Variants in WDR93 observed in about 807,000 individuals in gnomAD.
WDR93 encodes the protein WD repeat-containing protein 93.
In WDR93, 73 loss-of-function variants were observed where a neutral mutation model predicts 82.9. The observed-to-expected ratio is 0.88, with a 90% CI of 0.73 to 1.07. WDR93 has a LOEUF of 1.07. Among genes scored for constraint, WDR93 ranks in the 50% least tolerant of loss-of-function variants. The probability of loss-of-function intolerance (pLI) is 0.00; values close to 1 mark genes in which losing one functional copy is unlikely to be tolerated. For missense variants in WDR93, 738 were observed against 826.0 expected (o/e 0.89, Z 1.31); for synonymous variants, 283 against 300.1 (o/e 0.94, Z 0.59).
chr15:89,710,177 G>T (rs915083954), intron 4 of WDR93, among the ~76,000 whole-genome samples: 1 of 151,868 alleles, frequency 6.6e-6, no homozygotes, highest in African/African-American at 2.4e-5. Flanking sequence ...AAACAAAAAC[G>T]AAAACAAAAA....
chr15:89,731,182 C>T (rs1189153087), intron 11 of WDR93, among the ~76,000 whole-genome samples: 2 of 152,124 alleles, frequency 1.3e-5, no homozygotes, highest in African/African-American at 4.8e-5. Context: ...GTGTAAAGTG[C>T]CTAACACAGT....
chr15:89,726,081 G>A (rs777546240), intron 8 of WDR93, among the ~76,000 whole-genome samples: 7 of 152,162 alleles, frequency 4.6e-5, no homozygotes, highest in Non-Finnish European at 8.8e-5. Context: ...AAAATACAAG[G>A]GGAATAATGT....
At chr15:89,709,386 G>A (rs933369820) in intron 4 of WDR93, among the ~76,000 whole-genome samples, 1 of 152,044 alleles carries the variant, frequency 6.6e-6, no homozygotes, top group African/African-American at 2.4e-5. Context: ...TATCAGTGCA[G>A]CATCTGGTTT....
intron 7 of WDR93, among the ~76,000 whole-genome samples, chr15:89,720,007 C>G (rs1966450574): frequency 6.6e-6 from 1 of 151,748 alleles, no homozygotes; most frequent in Non-Finnish European, 1.5e-5. Context: ...ACCATCTTGG[C>G]CAGGCTGGTC....
chr15:89,712,353 C>T (rs1966017283), intron 5 of WDR93, among the ~76,000 whole-genome samples: 1 of 118,986 alleles, frequency 8.4e-6, no homozygotes, highest in Admixed American at 7.9e-5. Context: ...TAACTCTTAA[C>T]TACAGATTTT....
In WDR93 at chr15:89,717,037, T is replaced by C. The variant is rs1241445173; in HGVS notation, c.795+88T>C. On this transcript the variant is annotated intron_variant, in intron 7 of 16. Coordinates refer to ENST00000268130, the MANE Select transcript of WDR93 (RefSeq NM_020212.2). Reference sequence around the variant, plus strand: ...AATTATTATTTTTCTTTTCTTTTCTTTTTCTTTCTTTTTTTTTTTTTTTTT... The same window carrying C: ...AATTATTATTTTTCTTTTCTTTTCTCTTTCTTTCTTTTTTTTTTTTTTTTT... 8.1e-4 allele frequency: 548 copies of C among 674,618 alleles called. 5 individuals are homozygous for C. The African/African-American group carries it at 0.011, about 13-fold the overall frequency. The allele number at this position is 674,618 out of a possible 1,614,324, so 41.8% of individuals were successfully genotyped here.
At chr15:89,700,205 T>C (rs1204975710) in intron 1 of WDR93, among the ~76,000 whole-genome samples, 5 of 152,200 alleles carry the variant, frequency 3.3e-5, no homozygotes, top group South Asian at 2.1e-4. Flanking sequence ...ACATAATCCC[T>C]GTGAATTATG....
intron 13 of WDR93, among the ~76,000 whole-genome samples, chr15:89,734,032 C>CGT (rs35275444): frequency 0.013 from 1,984 of 151,488 alleles, 17 homozygotes; most frequent in Non-Finnish European, 0.019. Flanking sequence ...CATGTGTGTA[C>CGT]GTGTGTGTGT....
intron 5 of WDR93, among the ~76,000 whole-genome samples, chr15:89,712,394 A>ATATTTTTT (rs1177405888): frequency 6.8e-4 from 42 of 61,678 alleles, no homozygotes; most frequent in African/African-American, 3.6e-3. Context: ...TTTTCCACTA[A>ATATTTTTT]TCTTTTTTTT....
chr15:89,717,456 C>A (rs1394028336), intron 7 of WDR93, among the ~76,000 whole-genome samples: 3 of 152,194 alleles, frequency 2.0e-5, no homozygotes, highest in Non-Finnish European at 2.9e-5. Context: ...GTGACTTAAT[C>A]TTGTGCCTCA....
intron 16 of WDR93, among the ~76,000 whole-genome samples, chr15:89,742,380 C>T (rs1967747446): frequency 6.6e-6 from 1 of 152,148 alleles, no homozygotes; most frequent in Admixed American, 6.6e-5. Flanking sequence ...ACATCATTCA[C>T]TTGCACCTCC....
intron 1 of WDR93, among the ~76,000 whole-genome samples, chr15:89,701,469 C>T (rs76871909): frequency 0.016 from 2,498 of 152,278 alleles, 81 homozygotes; most frequent in African/African-American, 0.057. Flanking sequence ...TAAAATTCCT[C>T]TTTCCTTCTT....
intron 4 of WDR93, among the ~76,000 whole-genome samples, chr15:89,709,943 G>A (rs1278986956): frequency 6.6e-6 from 1 of 151,564 alleles, no homozygotes; most frequent in Non-Finnish European, 1.5e-5. Context: ...GGCGGATCAC[G>A]AGGTCAGTAG....
rs946309073 is a variant in WDR93 at position 89,694,312 on chromosome 15, A to G, written c.-41+3455A>G. Among the ~76,000 whole-genome samples, 62 of 142,268 alleles carry G rather than the reference A, an allele frequency of 4.4e-4. 1 individual carries two copies. The highest frequency in any genetic ancestry group is 4.8e-4 in the Non-Finnish European group (32 of 66,916). 93.3% of individuals were successfully genotyped at this position (142,268 alleles called of 152,430 possible). A position where few individuals can be genotyped will look rare whatever the true frequency, so the allele number is the denominator to read the frequency against. On this transcript the variant is annotated intron_variant, in intron 1 of 16. Coordinates refer to ENST00000268130, the MANE Select transcript of WDR93 (RefSeq NM_020212.2). ...GTCGCCCAGGCTGGAGTGCAGTGGC[A>G]CGATCTCGGCTCACTGGTTTCACAC...
chr15:89,737,177 C>T (rs1056465521), intron 14 of WDR93, among the ~76,000 whole-genome samples: 2 of 152,178 alleles, frequency 1.3e-5, no homozygotes, highest in African/African-American at 4.8e-5. Flanking sequence ...CAGCTCAGAT[C>T]TCAGGCCAGG....
At chr15:89,740,487 GGTTTTTGTTTTTT>G (rs962705063) in intron 16 of WDR93, among the ~76,000 whole-genome samples, 10 of 152,026 alleles carry the variant, frequency 6.6e-5, no homozygotes, top group African/African-American at 1.9e-4. Context: ...TCACAGGGAG[GGTTTTTGTTTTTT>G]GTTTTTGTTT....
chr15:89,734,511 CAT>C (rs1967001101), intron 13 of WDR93, among the ~76,000 whole-genome samples: 1 of 152,176 alleles, frequency 6.6e-6, no homozygotes, highest in East Asian at 1.9e-4. Context: ...AGCTTCTGCT[CAT>C]GTTACATTTG....
chr15:89,735,742 C>T (rs1967116335), intron 14 of WDR93, among the ~76,000 whole-genome samples, 189 bp downstream of exon 14: 3 of 152,212 alleles, frequency 2.0e-5, no homozygotes, highest in Non-Finnish European at 2.9e-5. Context: ...TTTGGGAAGA[C>T]AGAGAAGTCA....
At chr15:89,705,504 C>T in intron 3 of WDR93, 50 bp from the exon 4 acceptor site, 1 of 1,165,400 alleles carries the variant, frequency 8.6e-7, no homozygotes, top group South Asian at 1.2e-5. Context: ...TCCAGTTTCT[C>T]TTCAGCTCAA....
Sources: allele counts gnomAD v4.1 joint callset (sites outside exome capture counted in the v4.1 genomes callset), GRCh38; gene constraint gnomAD v4.1.1; transcripts MANE v1.5; gene names NCBI Gene and HGNC (gene_info 2026-07-23, HGNC 2026-07-21).